Variants in ERBB4 observed in about 807,000 individuals in gnomAD.
ERBB4 encodes erb-b2 receptor tyrosine kinase 4.
ERBB4 carries 42 observed loss-of-function variants against 158.0 expected under a neutral mutation model. That is an observed-to-expected ratio of 0.27 (90% CI 0.21 to 0.34). ERBB4 has a LOEUF of 0.34. Among genes scored for constraint, ERBB4 ranks in the 10% least tolerant of loss-of-function variants. The pLI, the probability that ERBB4 is intolerant of heterozygous loss-of-function variation, is 1.00. For synonymous variants in ERBB4, 583 were observed against 558.7 expected (o/e 1.04, Z -0.61); for missense variants, 1,333 against 1,624.1 (o/e 0.82, Z 3.08).
intron 1 of ERBB4, among the ~76,000 whole-genome samples, chr2:212,290,079 A>G (rs2086148869): frequency 6.6e-6 from 1 of 152,196 alleles, no homozygotes. Flanking sequence ...AAAAAGAAAT[A>G]TAACACACAC....
At chr2:212,175,418 G>A (rs2081634200) in intron 1 of ERBB4, among the ~76,000 whole-genome samples, 1 of 151,842 alleles carries the variant, frequency 6.6e-6, no homozygotes, top group East Asian at 1.9e-4. Flanking sequence ...GTTTTTGTGT[G>A]ATGTGAGGGT....
chr2:212,476,583 A>G (rs1315988122), intron 1 of ERBB4, among the ~76,000 whole-genome samples: 1 of 152,154 alleles, frequency 6.6e-6, no homozygotes, highest in Non-Finnish European at 1.5e-5. Context: ...ATTATTAGGT[A>G]GTGTCTTTGT....
chr2:211,405,749 A>C (rs559038368), intron 25 of ERBB4, among the ~76,000 whole-genome samples: 1 of 152,312 alleles, frequency 6.6e-6, no homozygotes, highest in South Asian at 2.1e-4. Flanking sequence ...AGATGTCATG[A>C]ATCAAGAATA....
intron 12 of ERBB4, among the ~76,000 whole-genome samples, chr2:211,691,608 A>G (rs932107616): frequency 0.013 from 1,233 of 97,820 alleles, 12 homozygotes; most frequent in African/African-American, 0.046. Context: ...GTGTGTATAT[A>G]TATAACAGAT....
At chr2:211,829,908 T>C (rs2105967007) in intron 3 of ERBB4, among the ~76,000 whole-genome samples, 1 of 152,322 alleles carries the variant, frequency 6.6e-6, no homozygotes, top group South Asian at 2.1e-4. Flanking sequence ...GCCTGGCACA[T>C]TCTGAATGGT....
At chr2:211,730,365 TGTTC>T (rs2074389345) in intron 5 of ERBB4, among the ~76,000 whole-genome samples, 1 of 152,004 alleles carries the variant, frequency 6.6e-6, no homozygotes, top group South Asian at 2.1e-4. Flanking sequence ...AAAAGATCTC[TGTTC>T]GCCCGTTAAC....
At chr2:212,278,364 C>T (rs926741180) in intron 1 of ERBB4, among the ~76,000 whole-genome samples, 13 of 151,792 alleles carry the variant, frequency 8.6e-5, no homozygotes, top group African/African-American at 2.7e-4. Context: ...CTTTATCAAA[C>T]ATAATTGAAT....
intron 1 of ERBB4, among the ~76,000 whole-genome samples, chr2:212,388,837 T>A (rs13431787): frequency 0.41 from 61,997 of 151,936 alleles, 14,250 homozygotes; most frequent in African/African-American, 0.63. Flanking sequence ...AATTTGTTGA[T>A]GAAAAGAATT....
At chr2:212,508,762 CTT>C (rs1488995043) in intron 1 of ERBB4, among the ~76,000 whole-genome samples, 1 of 152,076 alleles carries the variant, frequency 6.6e-6, no homozygotes, top group Admixed American at 6.5e-5. Context: ...CTAAAAGACT[CTT>C]AATAATCACA....
At chr2:211,387,235 AG>A (rs2062705749) in intron 26 of ERBB4, 85 bp from the exon 27 acceptor site, 2 of 1,112,264 alleles carry the variant, frequency 1.8e-6, no homozygotes, top group African/African-American at 1.5e-5. Context: ...AGGATATCAA[AG>A]CCAGTCTTTC....
At chr2:211,762,387 C>T (rs1471802533) in intron 4 of ERBB4, among the ~76,000 whole-genome samples, 11 of 152,164 alleles carry the variant, frequency 7.2e-5, no homozygotes, top group South Asian at 4.1e-4. Context: ...AAGAATGTTA[C>T]GAATAACCCA....
intron 1 of ERBB4, among the ~76,000 whole-genome samples, chr2:212,289,087 GC>G (rs2086110669): frequency 6.6e-6 from 1 of 152,088 alleles, no homozygotes; most frequent in South Asian, 2.1e-4. Flanking sequence ...AACTACCTAC[GC>G]CCCAAGTTTC....
chr2:212,331,056 T>TTTTATATATATA (rs1195085255), intron 1 of ERBB4, among the ~76,000 whole-genome samples: 17 of 25,270 alleles, frequency 6.7e-4, no homozygotes, highest in African/African-American at 9.5e-4. Context: ...TATTTGTAAT[T>TTTTATATATATA]TGTATATATA....
At chr2:212,460,562 C>T (rs1688520634) in intron 1 of ERBB4, among the ~76,000 whole-genome samples, 1 of 152,158 alleles carries the variant, frequency 6.6e-6, no homozygotes, top group Non-Finnish European at 1.5e-5. Context: ...CATCATTTTG[C>T]CCCTGCCCTA....
chr2:211,401,251 G>A (rs2063035198), intron 25 of ERBB4, among the ~76,000 whole-genome samples: 1 of 151,952 alleles, frequency 6.6e-6, no homozygotes, highest in Non-Finnish European at 1.5e-5. Flanking sequence ...TGATCTAACA[G>A]TAGAGATTAT....
At chr2:211,731,260 A>T (rs1347188252) in intron 5 of ERBB4, among the ~76,000 whole-genome samples, 1 of 152,138 alleles carries the variant, frequency 6.6e-6, no homozygotes, top group Non-Finnish European at 1.5e-5. Flanking sequence ...ATTTTTTAAA[A>T]TTTTATTTCA....
In ERBB4 at chr2:211,504,544, G is replaced by A. The variant is rs147449887; in HGVS notation, c.2487+57359C>T. On this transcript the variant is annotated intron_variant, in intron 20 of 27. Coordinates refer to ENST00000342788, the MANE Select transcript of ERBB4 (RefSeq NM_005235.3). ...CAACCAGCACAGGAACTCTAGCACC[G>A]TGAAGAAACAAAATGTTGTGACACT... Among the ~76,000 whole-genome samples, 109 of 152,040 alleles carry A rather than the reference G, an allele frequency of 7.2e-4. 1 individual carries two copies. In the East Asian group the frequency reaches 9.9e-3, roughly 14 times the overall value.
At chr2:212,139,110 G>C (rs1171440846) in intron 1 of ERBB4, among the ~76,000 whole-genome samples, 1 of 152,030 alleles carries the variant, frequency 6.6e-6, no homozygotes, top group Non-Finnish European at 1.5e-5. Context: ...TAATAGAGTA[G>C]CATGTTATAA....
intron 1 of ERBB4, among the ~76,000 whole-genome samples, chr2:212,202,703 G>A (rs975750907): frequency 6.6e-6 from 1 of 151,992 alleles, no homozygotes; most frequent in Non-Finnish European, 1.5e-5. Flanking sequence ...AATCTAATGT[G>A]GCAGTATTAA....
Sources: allele counts gnomAD v4.1 joint callset (sites outside exome capture counted in the v4.1 genomes callset), GRCh38; gene constraint gnomAD v4.1.1; transcripts MANE v1.5; gene names NCBI Gene and HGNC (gene_info 2026-07-23, HGNC 2026-07-21).